SH3BGRL3: variants seen among roughly 807,000 people sequenced by gnomAD.
The protein encoded by SH3BGRL3 is SH3 domain-binding glutamic acid-rich-like protein 3.
A neutral mutation model predicts 11.9 loss-of-function variants in SH3BGRL3; 8 were observed. That is an observed-to-expected ratio of 0.67 (90% confidence interval 0.40 to 1.22). The LOEUF (loss-of-function observed/expected upper bound fraction) is 1.22. Ranked by LOEUF, SH3BGRL3 falls within the 50% of genes most tolerant of loss-of-function variation. The pLI, the probability that SH3BGRL3 is intolerant of heterozygous loss-of-function variation, is 0.01. For synonymous variants in SH3BGRL3, 55 were observed against 52.3 expected (o/e 1.05, Z -0.22); for missense variants, 119 against 120.1 (o/e 0.99, Z 0.04).
At chr1:26,281,033 C>T in intron 2 of SH3BGRL3, 25 bp from the exon 3 acceptor site, 1 of 1,612,924 alleles carries the variant, frequency 6.2e-7, no homozygotes, top group Admixed American at 1.7e-5. Context: ...ATTCAGGTGA[C>T]CACCCCTCGC....
chr1:26,280,955 G>A (rs779124814), intron 2 of SH3BGRL3, 23 bp downstream of exon 2: 7 of 1,595,614 alleles, frequency 4.4e-6, no homozygotes, highest in East Asian at 2.2e-5. Flanking sequence ...GGACGGGGGG[G>A]TGGGGGGAGT....
At position 26,280,093 on chromosome 1, in the gene SH3BGRL3, C is replaced by T; in HGVS notation, c.-63C>T. On this transcript the variant is annotated 5_prime_UTR_variant, in exon 1 of 3. Coordinates refer to ENST00000270792, the MANE Select transcript of SH3BGRL3 (RefSeq NM_031286.4). ...CCCGAGCACGGCGGCGGCGTCGTCT[C>T]CCGGCAGTGCAGCTGCCGCTACCGC... The T allele has an allele frequency of 2.0e-6, 3 of 1,535,736 alleles. No individual in the cohort carries two copies. The highest frequency in any genetic ancestry group is 2.6e-6 in the Non-Finnish European group (3 of 1,136,054).
intron 1 of SH3BGRL3, 152 bp downstream of exon 1, chr1:26,280,355 C>T (rs1439893580): frequency 3.0e-6 from 3 of 999,384 alleles, no homozygotes; most frequent in African/African-American, 1.7e-5. Context: ...GACCCGGTCC[C>T]GAGGCCCCAT....
In SH3BGRL3 at chr1:26,280,150, C is replaced by G. The variant is rs1198078880; in HGVS notation, c.-6C>G. 6.4e-7 allele frequency: 1 copy of G among 1,566,688 alleles called. No homozygotes were observed. Among genetic ancestry groups the G allele is most frequent in the Non-Finnish European group, 8.6e-7 (1 of 1,157,578 alleles). ...CTGCCCGCCGGCCCGTCTGTCTACCCCCAGCATGAGCGGCCTGCGCGTCTA... is the reference window on the plus strand; with the variant it reads ...CTGCCCGCCGGCCCGTCTGTCTACCGCCAGCATGAGCGGCCTGCGCGTCTA... On this transcript the variant is annotated 5_prime_UTR_variant, in exon 1 of 3. Transcript: ENST00000270792.
chr1:26,280,184 C>A lies in SH3BGRL3; in HGVS notation c.29C>A (p.Ser10Ter). The A allele has an allele frequency of 6.4e-7, 1 of 1,555,470 alleles. No individual in the cohort carries two copies. The highest frequency in any genetic ancestry group is 2.4e-5 in the East Asian group (1 of 41,290). MSGLRVYST[S>*]VTGSREIKSQ... ...AGCGGCCTGCGCGTCTACAGCACGT[C>A]GGTCACCGGCTCCCGCGAAGTAAGT... Residue 10 changes from serine (S) to a stop codon, truncating the protein, a stop_gained, in exon 1 of 3, where the codon TCG becomes TAG. Coordinates refer to ENST00000270792, the MANE Select transcript of SH3BGRL3 (RefSeq NM_031286.4). LOFTEE classifies it high-confidence loss of function.
chr1:26,281,512 T>G lies in SH3BGRL3; in HGVS notation c.*389T>G. The G allele has an allele frequency of 5.0e-6, 1 of 198,886 alleles. No individual in the cohort carries two copies. The highest frequency in any genetic ancestry group is 1.1e-5 in the Non-Finnish European group (1 of 94,462). The allele number at this position is 198,886 out of a possible 1,614,324, so 12.3% of individuals were successfully genotyped here. On this transcript the variant is annotated 3_prime_UTR_variant, in exon 3 of 3. Transcript: ENST00000270792. The stretch of plus-strand genomic sequence containing the variant: ...CTAGAGGCAATTAAATGATGTCCTG[T>G]TCCATTGGCACTGTGTCTGGTTGGT...
rs1157924563 is a variant in SH3BGRL3 at position 26,280,923 on chromosome 1, G to C, written c.207G>C (p.Gln69His). The change falls in exon 2 of 3, where the codon CAG becomes CAC. Residue 69 changes from glutamine to histidine, a missense_variant. Transcript: ENST00000270792. The stretch of plus-strand genomic sequence containing the variant: ...CACCCCAGATTGTCAACGGGGACCA[G>C]TACTGTGGGGTATGGGCTGGGGGAC... ...ATPPQIVNGD[Q>H]YCGDYELFVE... 6 of 1,098,180 alleles carry C rather than the reference G, an allele frequency of 5.5e-6. No homozygotes were observed. The highest frequency in any genetic ancestry group is 6.5e-6 in the Non-Finnish European group (5 of 767,136). The allele number at this position is 1,098,180 out of a possible 1,614,324, so 68.0% of individuals were successfully genotyped here.
In SH3BGRL3 at chr1:26,281,114, G is replaced by C. The variant is rs143175657; in HGVS notation, c.273G>C (p.Lys91Asn). The C allele has an allele frequency of 1.0e-4, 168 of 1,613,770 alleles. No individual in the cohort carries two copies. Among genetic ancestry groups the C allele is most frequent in the Non-Finnish European group, 1.4e-4 (162 of 1,179,938 alleles). The change falls in exon 3 of 3, where the codon AAG becomes AAC. Residue 91 changes from lysine (K) to asparagine (N), a missense_variant. By Grantham distance (94) the Lys-to-Asn change is moderately conservative (BLOSUM62 0). Coordinates refer to ENST00000270792, the MANE Select transcript of SH3BGRL3 (RefSeq NM_031286.4). ...VEQNTLQEFL[K>N]LA ...AAAACACGCTGCAGGAGTTCCTGAA[G>C]CTGGCTTGAGTCAAGCCTGTCCAGA...
chr1:26,280,087 T>A lies in SH3BGRL3; in HGVS notation c.-69T>A. 6.5e-7 allele frequency: 1 copy of A among 1,527,614 alleles called. No homozygotes were observed. Among genetic ancestry groups the A allele is most frequent in the Non-Finnish European group, 8.9e-7 (1 of 1,129,584 alleles). The allele number at this position is 1,527,614 out of a possible 1,614,324, so 94.6% of individuals were successfully genotyped here. On this transcript the variant is annotated 5_prime_UTR_variant, in exon 1 of 3. Coordinates refer to ENST00000270792, the MANE Select transcript of SH3BGRL3 (RefSeq NM_031286.4). ...ACCGCTCCCGAGCACGGCGGCGGCG[T>A]CGTCTCCCGGCAGTGCAGCTGCCGC...
At position 26,281,285 on chromosome 1, in the gene SH3BGRL3, T is replaced by G; in HGVS notation, c.*162T>G. 1 of 625,436 alleles carries G rather than the reference T, an allele frequency of 1.6e-6. No individual in the cohort carries two copies. The highest frequency in any genetic ancestry group is 2.8e-5 in the East Asian group (1 of 35,922). The allele number at this position is 625,436 out of a possible 1,614,324, so 38.7% of individuals were successfully genotyped here. On this transcript the variant is annotated 3_prime_UTR_variant, in exon 3 of 3. Transcript: ENST00000270792. ...ACTTCTCCTCCCTCCTCTCTAAATG[T>G]AGTCCCCTCTCCTCCATCTAAAGGC...
At chr1:26,280,318 C>A in intron 1 of SH3BGRL3, 115 bp downstream of exon 1, 1 of 1,226,254 alleles carries the variant, frequency 8.2e-7, no homozygotes, top group South Asian at 1.7e-5. Flanking sequence ...GGGAGTGCGT[C>A]GGCGAGGTGC....
Position 26,280,729 on chromosome 1 carries a change from C to A in SH3BGRL3, c.49-36C>A, listed in dbSNP as rs758841264. On this transcript the variant is annotated intron_variant, in intron 1 of 2. Coordinates refer to ENST00000270792, the MANE Select transcript of SH3BGRL3 (RefSeq NM_031286.4). ...AGCATTTCCCCCATAAATCCTCCAGCCTATCCACTAACCCCTACCCACCCT... is the reference window on the plus strand; with the variant it reads ...AGCATTTCCCCCATAAATCCTCCAGACTATCCACTAACCCCTACCCACCCT... 6.2e-6 allele frequency: 10 copies of A among 1,608,948 alleles called. No homozygotes were observed. The East Asian group carries it at 2.2e-4, about 36-fold the overall frequency.
chr1:26,280,664 G>A lies in SH3BGRL3; in HGVS notation c.49-101G>A, dbSNP rs2072968627. 10 of 1,418,702 alleles carry A rather than the reference G, an allele frequency of 7.0e-6. No individual in the cohort carries two copies. In the Admixed American group the frequency reaches 1.2e-4, roughly 17 times the overall value. 87.9% of individuals were successfully genotyped at this position (1,418,702 alleles called of 1,614,324 possible). ...CTCCCCTAGTGTGGAGGGGAATGGG[G>A]GGACAAAAGCTCCTGGTCACAGCCT... On this transcript the variant is annotated intron_variant, in intron 1 of 2. Coordinates refer to ENST00000270792, the MANE Select transcript of SH3BGRL3 (RefSeq NM_031286.4).
rs945910228 is a variant in SH3BGRL3, at chr1:26,281,398, C to T, written c.*275C>T. On this transcript the variant is annotated 3_prime_UTR_variant, in exon 3 of 3. Transcript: ENST00000270792. ...CCCAGCCAAGCATTGGGGCCGCCAT[C>T]CTGCCTGGCACTGGCTGATGGGCAC... is the stretch of plus-strand genomic sequence containing the variant. The T allele has an allele frequency of 5.1e-6, 2 of 396,018 alleles. No individual in the cohort carries two copies. The highest frequency in any genetic ancestry group is 9.1e-6 in the Non-Finnish European group (2 of 219,116). 24.5% of individuals were successfully genotyped at this position (396,018 alleles called of 1,614,324 possible).
Position 26,280,770 on chromosome 1 carries a change from G to A in SH3BGRL3, c.54G>A (p.Lys18=). 1 of 1,613,972 alleles carries A rather than the reference G, an allele frequency of 6.2e-7. No homozygotes were observed. The highest frequency in any genetic ancestry group is 8.5e-7 in the Non-Finnish European group (1 of 1,179,992). ...STSVTGSREI[K]SQQSEVTRIL... Reference sequence around the variant, plus strand: ...TACCCACCCTCTGTCCCCAGATCAAGTCCCAGCAGAGCGAGGTGACCCGAA... The same window carrying A: ...TACCCACCCTCTGTCCCCAGATCAAATCCCAGCAGAGCGAGGTGACCCGAA... The change falls in exon 2 of 3, where the codon AAG becomes AAA. Residue 18 remains lysine, a synonymous_variant. Transcript: ENST00000270792.
chr1:26,280,641 C>T, intron 1 of SH3BGRL3, 124 bp from the exon 2 acceptor site: 1 of 1,178,268 alleles, frequency 8.5e-7, no homozygotes, highest in Non-Finnish European at 1.2e-6. Flanking sequence ...CCAGAACCCT[C>T]CCCTAGTGTG....
In SH3BGRL3 at chr1:26,280,902, CCA is replaced by C. The variant is rs767186399; in HGVS notation, c.187_188del (p.Gln63AspfsTer12). 1.3e-5 allele frequency: 21 copies of C among 1,613,404 alleles called. No individual in the cohort carries two copies. The African/African-American group carries it at 2.3e-4, about 17-fold the overall frequency. On this transcript the variant is annotated frameshift_variant, in exon 2 of 3. Transcript: ENST00000270792. LOFTEE classifies it high-confidence loss of function. ...CAGGCAACCCCAAGGCCACCCCACC[CCA>C]GATTGTCAACGGGGACCAGTACTGT... ...LAGNPKATPP[Q>X]IVNGDQYCGD...
At position 26,280,328 on chromosome 1, in the gene SH3BGRL3, C is replaced by G. The variant is rs2072956294; in HGVS notation, c.48+125C>G. 1.1e-5 allele frequency: 13 copies of G among 1,178,812 alleles called. No individual in the cohort carries two copies. In the South Asian group the frequency reaches 2.0e-4, roughly 18 times the overall value. The allele number at this position is 1,178,812 out of a possible 1,614,324, so 73.0% of individuals were successfully genotyped here. A position where few individuals can be genotyped will look rare whatever the true frequency, so the allele number is the denominator to read the frequency against. On this transcript the variant is annotated intron_variant, in intron 1 of 2. Coordinates refer to ENST00000270792, the MANE Select transcript of SH3BGRL3 (RefSeq NM_031286.4). Reference sequence around the variant, plus strand: ...GTGGGGGGAGTGCGTCGGCGAGGTGCTGGGCACGGTCTCCCGGACCCGGTC... The same window carrying G: ...GTGGGGGGAGTGCGTCGGCGAGGTGGTGGGCACGGTCTCCCGGACCCGGTC...
Position 26,280,893 on chromosome 1 carries a change from CA to C in SH3BGRL3, c.178del (p.Thr60ProfsTer31). On this transcript the variant is annotated frameshift_variant, in exon 2 of 3. Coordinates refer to ENST00000270792, the MANE Select transcript of SH3BGRL3 (RefSeq NM_031286.4). LOFTEE classifies it high-confidence loss of function. Reference sequence around the variant, plus strand: ...GAGCCTTGGCAGGCAACCCCAAGGCCACCCCACCCCAGATTGTCAACGGGGA... The same window carrying C: ...GAGCCTTGGCAGGCAACCCCAAGGCCCCCCACCCCAGATTGTCAACGGGGA... ...MRALAGNPKA[T>X]PPQIVNGDQY... The C allele has an allele frequency of 6.2e-7, 1 of 1,613,406 alleles. No homozygotes were observed. The highest frequency in any genetic ancestry group is 8.5e-7 in the Non-Finnish European group (1 of 1,179,830).
Sources: gnomAD v4.1 joint callset for allele counts on GRCh38, gnomAD v4.1.1 for gene constraint, MANE v1.5 for transcripts, NCBI Gene and HGNC (gene_info 2026-07-23, HGNC 2026-07-21) for gene names.